TFEC: variants seen among roughly 807,000 people sequenced by gnomAD.
The protein encoded by TFEC is transcription factor EC.
A neutral mutation model predicts 41.6 loss-of-function variants in TFEC; 31 were observed. The observed-to-expected ratio is 0.74, with a 90% CI of 0.56 to 1.01. The LOEUF (loss-of-function observed/expected upper bound fraction) is 1.01, where lower values mean the gene tolerates loss of function less well. Among genes scored for constraint, TFEC ranks in the 50% least tolerant of loss-of-function variants. TFEC has a pLI of 0.00. For synonymous variants in TFEC, 143 were observed against 140.6 expected, an observed-to-expected ratio of 1.02 and a Z score of -0.12; for missense variants, 402 against 404.1, an observed-to-expected ratio of 0.99 and a Z score of 0.04.
intron 3 of TFEC, among the ~76,000 whole-genome samples, chr7:116,063,464 C>A (rs1796618226): frequency 6.6e-6 from 1 of 151,672 alleles, no homozygotes; most frequent in African/African-American, 2.4e-5. Flanking sequence ...CTAAAAAATA[C>A]AAAAATCGGC....
intron 1 of TFEC, among the ~76,000 whole-genome samples, chr7:115,994,183 T>A (rs1441641941): frequency 6.6e-6 from 1 of 152,136 alleles, no homozygotes; most frequent in African/African-American, 2.4e-5. Context: ...ATCCCTTCCT[T>A]ACACCTTATA....
In TFEC at chr7:115,937,034, T is replaced by C. The variant is rs1359484953; in HGVS notation, c.*3517A>G. 6.6e-6 allele frequency: 1 copy of C among 151,612 alleles called. No homozygotes were observed. The allele number at this position is 151,612 out of a possible 1,614,324, so 9.4% of individuals were successfully genotyped here. A position where few individuals can be genotyped will look rare whatever the true frequency, so the allele number is the denominator to read the frequency against. On this transcript the variant is annotated 3_prime_UTR_variant, in exon 8 of 8. Coordinates refer to ENST00000265440, the MANE Select transcript of TFEC (RefSeq NM_012252.4). ...GAAAAAAATTGTAAAGAGCTGTATC[T>C]ACTCACAGGAGGTCATCATTATTTT...
chr7:116,050,030 A>C (rs1244720891), intron 3 of TFEC, among the ~76,000 whole-genome samples: 2 of 152,224 alleles, frequency 1.3e-5, no homozygotes, highest in African/African-American at 4.8e-5. Context: ...GAAAGCAGGA[A>C]AGATCTAAAA....
At chr7:115,945,318 A>C (rs1366531019) in intron 6 of TFEC, among the ~76,000 whole-genome samples, 1 of 151,484 alleles carries the variant, frequency 6.6e-6, no homozygotes, top group African/African-American at 2.4e-5. Flanking sequence ...ACATTTGAAA[A>C]TTTGACAAAT....
intron 3 of TFEC, among the ~76,000 whole-genome samples, chr7:116,063,139 C>T (rs1406212632): frequency 2.0e-5 from 3 of 152,040 alleles, no homozygotes; most frequent in Non-Finnish European, 4.4e-5. Context: ...GGATGGATCT[C>T]AAAATAATTA....
chr7:115,958,724 C>A (rs1198689065), intron 3 of TFEC, among the ~76,000 whole-genome samples: 1 of 151,772 alleles, frequency 6.6e-6, no homozygotes, highest in Non-Finnish European at 1.5e-5. Flanking sequence ...GAACTGTAGC[C>A]GTATTGCATA....
Position 116,147,512 on chromosome 7 carries a change from G to A in TFEC, c.-69+12278C>T, listed in dbSNP as rs1282833295. Among the ~76,000 whole-genome samples, 4 of 151,704 alleles carry A rather than the reference G, an allele frequency of 2.6e-5. No individual in the cohort carries two copies. The South Asian group carries it at 6.2e-4, about 24-fold the overall frequency. ...GTTGGTGTGCTGCACCCATTAACTC[G>A]TCATTTACATTAGGTATATCTCCTA... On this transcript the variant is annotated intron_variant, in intron 1 of 8. Coordinates refer to the TFEC transcript ENST00000484212.
At chr7:115,976,044 A>T (rs953040586) in intron 2 of TFEC, among the ~76,000 whole-genome samples, 1 of 152,212 alleles carries the variant, frequency 6.6e-6, no homozygotes. Context: ...AACTAACCAC[A>T]TGCCCTCATA....
At chr7:115,996,851 G>C (rs1794388785) in intron 1 of TFEC, among the ~76,000 whole-genome samples, 1 of 152,132 alleles carries the variant, frequency 6.6e-6, no homozygotes, top group Non-Finnish European at 1.5e-5. Context: ...TCCGTAGCTT[G>C]TGAAAAGGAA....
At chr7:116,040,285 A>T (rs1796004937) in intron 3 of TFEC, among the ~76,000 whole-genome samples, 1 of 152,200 alleles carries the variant, frequency 6.6e-6, no homozygotes, top group South Asian at 2.1e-4. Context: ...ATAGTATTTT[A>T]GGAAGTAGCT....
chr7:116,033,954 C>T (rs112371503), upstream of TFEC, among the ~76,000 whole-genome samples: 34 of 152,232 alleles, frequency 2.2e-4, no homozygotes, highest in African/African-American at 8.2e-4. Context: ...CTTTGTGCTC[C>T]ACCAGAGCAC....
intron 1 of TFEC, among the ~76,000 whole-genome samples, chr7:116,133,126 A>G (rs1798365682): frequency 6.6e-6 from 1 of 152,218 alleles, no homozygotes; most frequent in South Asian, 2.1e-4. Context: ...AGTTTTTGTC[A>G]ATTTTCAAAA....
chr7:116,005,117 A>T (rs1794739729), intron 1 of TFEC, among the ~76,000 whole-genome samples: 1 of 152,132 alleles, frequency 6.6e-6, no homozygotes, highest in Non-Finnish European at 1.5e-5. Context: ...TTCTTTTGTA[A>T]ATTGCCCAGT....
chr7:116,092,015 C>G (rs925435437), intron 3 of TFEC, among the ~76,000 whole-genome samples: 1 of 152,096 alleles, frequency 6.6e-6, no homozygotes, highest in Non-Finnish European at 1.5e-5. Context: ...CTTACAGTGA[C>G]GATGTTTGCT....
chr7:116,073,803 G>A (rs1796887051), intron 3 of TFEC, among the ~76,000 whole-genome samples: 1 of 151,762 alleles, frequency 6.6e-6, no homozygotes, highest in South Asian at 2.1e-4. Flanking sequence ...TAGGTCAATG[G>A]ACTACAATAG....
intron 1 of TFEC, among the ~76,000 whole-genome samples, chr7:116,154,319 A>G (rs1309545301): frequency 2.0e-5 from 3 of 152,118 alleles, no homozygotes; most frequent in Non-Finnish European, 2.9e-5. Flanking sequence ...TTCTTTCTCT[A>G]TCTCCATTCC....
Position 116,066,483 on chromosome 7 carries a change from TTA to T in TFEC, c.198+44223_198+44224del, listed in dbSNP as rs534137119. 1.7e-4 allele frequency among the ~76,000 whole-genome samples: 25 copies of T among 148,702 alleles called. No individual in the cohort carries two copies. The East Asian group carries it at 2.9e-3, about 17-fold the overall frequency. On this transcript the variant is annotated intron_variant, in intron 3 of 8. Transcript: ENST00000484212. ...GTCATGTTTTTAAAACTATCAGGGG[TTA>T]TATATATATATATGAGATAAATCTG...
chr7:115,957,418 G>A (rs960425468), intron 3 of TFEC, among the ~76,000 whole-genome samples: 1 of 151,714 alleles, frequency 6.6e-6, no homozygotes, highest in Non-Finnish European at 1.5e-5. Context: ...AGTGAATATA[G>A]GGTACATCCA....
chr7:116,041,900 A>C (rs573748465), intron 3 of TFEC, among the ~76,000 whole-genome samples: 1 of 152,298 alleles, frequency 6.6e-6, no homozygotes, highest in East Asian at 1.9e-4. Context: ...GCCAGTTCCC[A>C]AAACAAAGGG....
Sources: allele counts gnomAD v4.1 joint callset (sites outside exome capture counted in the v4.1 genomes callset), GRCh38; gene constraint gnomAD v4.1.1; transcripts MANE v1.5; gene names NCBI Gene and HGNC (gene_info 2026-07-23, HGNC 2026-07-21).